The following ABCA6 variants were observed in gnomAD, a reference collection of about 807,000 sequenced individuals.
The protein encoded by ABCA6 is ATP binding cassette subfamily A member 6.
ABCA6 carries 164 observed loss-of-function variants against 191.2 expected under a neutral mutation model. That is an observed-to-expected ratio of 0.86 (90% CI 0.76 to 0.98). The LOEUF is 0.98. Among genes scored for constraint, ABCA6 ranks in the 50% least tolerant of loss-of-function variants. ABCA6 has a pLI of 0.00. For missense variants in ABCA6, 1,958 were observed against 1,894.1 expected (o/e 1.03, Z -0.63); for synonymous variants, 636 against 647.7 (o/e 0.98, Z 0.27).
chr17:69,138,677 A>G (rs1375635686), intron 2 of ABCA6, among the ~76,000 whole-genome samples: 19 of 151,368 alleles, frequency 1.3e-4, no homozygotes, highest in African/African-American at 2.2e-4. Flanking sequence ...GAGGCATCAC[A>G]CTACCTGACT....
Position 69,100,847 on chromosome 17 carries a change from T to C in ABCA6, c.2962A>G (p.Met988Val). The C allele has an allele frequency of 6.2e-7, 1 of 1,612,896 alleles. No homozygotes were observed. Among genetic ancestry groups the C allele is most frequent in the Non-Finnish European group, 8.5e-7 (1 of 1,179,450 alleles). The stretch of plus-strand genomic sequence containing the variant: ...CGAATATGTTGTGTGTGATTAAACA[T>C]TTGAAGTAGCCCATTGCTGATAATA... Reference protein sequence around the residue: ...MNIISNGLLQMFNHTQHIRIE... With the variant: ...MNIISNGLLQVFNHTQHIRIE... Residue 988 changes from methionine to valine, a missense_variant, in exon 22 of 39, where the codon ATG (methionine) becomes GTG (valine). Transcript: ENST00000284425.
rs766474269 is a variant in ABCA6 at position 69,123,339 on chromosome 17, T to C, written c.1336A>G (p.Thr446Ala). The change falls in exon 10 of 39, where the codon ACT becomes GCT. Residue 446 changes from threonine to alanine, a missense_variant. Thr to Ala is a moderately conservative substitution (Grantham distance 58, BLOSUM62 0). Coordinates refer to ENST00000284425, the MANE Select transcript of ABCA6 (RefSeq NM_080284.3). ...NSSSCFQHQR[T>A]NAKVIEKEID... Reference sequence around the variant, plus strand: ...TCTTTCTCAATAACCTTAGCATTAGTCCTTTGGTGTTGGAAACAAGATGAT... The same window carrying C: ...TCTTTCTCAATAACCTTAGCATTAGCCCTTTGGTGTTGGAAACAAGATGAT... The C allele has an allele frequency of 6.4e-7, 1 of 1,570,718 alleles. No individual in the cohort carries two copies. Among genetic ancestry groups the C allele is most frequent in the East Asian group, 2.3e-5 (1 of 43,928 alleles).
Position 69,096,806 on chromosome 17 carries a change from T to TC in ABCA6, c.3121-6_3121-5insG. On this transcript the variant is annotated splice_polypyrimidine_tract_variant and splice_region_variant and intron_variant, in intron 23 of 38. Coordinates refer to ENST00000284425, the MANE Select transcript of ABCA6 (RefSeq NM_080284.3). ...TAGCTGGGACTTAGCATTTTTCTGA[T>TC]TAAAAAAAAAAAGAAAGAAAGAAAT... 6.6e-7 allele frequency: 1 copy of TC among 1,511,786 alleles called. No homozygotes were observed. The highest frequency in any genetic ancestry group is 8.8e-7 in the Non-Finnish European group (1 of 1,141,526). The allele number at this position is 1,511,786 out of a possible 1,614,324, so 93.6% of individuals were successfully genotyped here.
Position 69,081,099 on chromosome 17 carries a change from G to T in ABCA6, c.4663C>A (p.Pro1555Thr). 6.2e-7 allele frequency: 1 copy of T among 1,605,348 alleles called. No homozygotes were observed. Among genetic ancestry groups the T allele is most frequent in the South Asian group, 1.1e-5 (1 of 88,588 alleles). Residue 1555 changes from proline (P) to threonine (T), a missense_variant, in exon 37 of 39, where the codon CCT becomes ACT. Coordinates refer to ENST00000284425, the MANE Select transcript of ABCA6 (RefSeq NM_080284.3). ...AATTTGTGAAAGGTCTGTGATAGAG[G>T]GTAAACGTCTGCCACGGGCAGCTTA... ...TYKLPVADVY[P>T]LSQTFHKLEA...
rs1279549772 is a variant in ABCA6 at position 69,129,750 on chromosome 17, G to A, written c.793C>T (p.Leu265Phe). 1 of 1,567,968 alleles carries A rather than the reference G, an allele frequency of 6.4e-7. No individual in the cohort carries two copies. Among genetic ancestry groups the A allele is most frequent in the Non-Finnish European group, 8.6e-7 (1 of 1,160,122 alleles). ...CCAGCATAGATTAGACCCCAGGAGA[G>A]CCTAAATAAAGACAAAAAGTTATAT... ...MMGLQDSAFW[L>F]SWGLIYAGFI... Residue 265 changes from leucine (L) to phenylalanine (F), a missense_variant and splice_region_variant, in exon 7 of 39, where the codon CTC becomes TTC. Physicochemically the swap from Leu to Phe is conservative, Grantham distance 22 (BLOSUM62 0). Transcript: ENST00000284425.
chr17:69,115,607 A>T, intron 11 of ABCA6, 121 bp from the exon 12 acceptor site: 1 of 557,626 alleles, frequency 1.8e-6, no homozygotes, highest in Middle Eastern at 3.0e-4. Context: ...CAGCATTTCA[A>T]TACTTTAAAA....
chr17:69,086,599 A>G lies in ABCA6; in HGVS notation c.3937+19T>C. On this transcript the variant is annotated intron_variant, in intron 30 of 38. Coordinates refer to ENST00000284425, the MANE Select transcript of ABCA6 (RefSeq NM_080284.3). ...AGTTCTAAAAGTAATGGTAAGTTTT[A>G]AAAGGGATTATTACAGACCTTCTTG... 6 of 1,559,224 alleles carry G rather than the reference A, an allele frequency of 3.8e-6. No individual in the cohort carries two copies. Among genetic ancestry groups the G allele is most frequent in the Non-Finnish European group, 4.4e-6 (5 of 1,134,966 alleles).
In ABCA6 at chr17:69,137,335, G is replaced by T. The variant is rs200749369; in HGVS notation, c.262C>A (p.Gln88Lys). Residue 88 changes from glutamine (Q) to lysine (K), a missense_variant, in exon 3 of 39, where the codon CAG becomes AAG. Physicochemically the swap from Gln to Lys is moderately conservative, Grantham distance 53. Coordinates refer to ENST00000284425, the MANE Select transcript of ABCA6 (RefSeq NM_080284.3). ...GCAAGTGCTGTTTTATTCATTATCT[G>T]CTGGGTTAAATTAGATATTGGTGTA... ...VYTPISNLTQ[Q>K]IMNKTALAPL... 11 of 1,613,420 alleles carry T rather than the reference G, an allele frequency of 6.8e-6. No homozygotes were observed. In the African/African-American group the frequency reaches 9.3e-5, roughly 14 times the overall value.
rs2073826858 is a variant in ABCA6, at chr17:69,129,664, G to A, written c.879C>T (p.Val293=). The change falls in exon 7 of 39, where the codon GTC becomes GTT. Residue 293 remains valine (V), a synonymous_variant. Coordinates refer to ENST00000284425, the MANE Select transcript of ABCA6 (RefSeq NM_080284.3). ...TIIITFTQII[V]MTGFMVIFIL... ...TAAATATGACCATGAAGCCAGTCAT[G>A]ACTATAATTTGGGTGAATGTTATGA... The A allele has an allele frequency of 6.2e-7, 1 of 1,605,044 alleles. No homozygotes were observed. Among genetic ancestry groups the A allele is most frequent in the South Asian group, 1.1e-5 (1 of 90,502 alleles).
intron 6 of ABCA6, among the ~76,000 whole-genome samples, chr17:69,132,876 G>GTA: frequency 6.6e-6 from 1 of 151,980 alleles, no homozygotes; most frequent in East Asian, 1.9e-4. Flanking sequence ...ATACATGAGT[G>GTA]TGTGTGTACA....
intron 25 of ABCA6, chr17:69,094,256 T>C (rs2072997947): frequency 6.6e-6 from 1 of 152,238 alleles, no homozygotes; most frequent in Non-Finnish European, 1.5e-5. Flanking sequence ...CTTTTGTTCA[T>C]CTATTCACTT....
At chr17:69,127,430 G>A (rs927348136) in intron 8 of ABCA6, among the ~76,000 whole-genome samples, 2 of 152,042 alleles carry the variant, frequency 1.3e-5, no homozygotes, top group Non-Finnish European at 2.9e-5. Flanking sequence ...ATTGGGAGAA[G>A]ATAGAAAACT....
At chr17:69,081,657 A>C (rs2072639659) in intron 36 of ABCA6, among the ~76,000 whole-genome samples, 1 of 152,228 alleles carries the variant, frequency 6.6e-6, no homozygotes, top group South Asian at 2.1e-4. Flanking sequence ...ATGGAGGTTG[A>C]TATTGGCGAA....
chr17:69,099,073 ATG>A (rs1455706691), intron 22 of ABCA6, among the ~76,000 whole-genome samples: 2 of 151,756 alleles, frequency 1.3e-5, no homozygotes, highest in Admixed American at 6.6e-5. Context: ...AGCTGGGTGG[ATG>A]TGTTCTGAAG....
Position 69,097,944 on chromosome 17 carries a change from G to A in ABCA6, c.3096C>T (p.Thr1032=). 1 of 1,606,184 alleles carries A rather than the reference G, an allele frequency of 6.2e-7. No homozygotes were observed. Among genetic ancestry groups the A allele is most frequent in the Non-Finnish European group, 8.5e-7 (1 of 1,177,380 alleles). ...CCTTGTAATCACTGATGCTGCCCAT[G>A]GTGATATAAGGAGAAATGCTACATA... The part of the protein sequence containing the change: ...LVLCSISPYI[T]MGSISDYKKN... The change falls in exon 23 of 39, where the codon ACC becomes ACT. Residue 1032 remains threonine (T), a synonymous_variant. Transcript: ENST00000284425.
intron 4 of ABCA6, chr17:69,135,792 T>C (rs1455501815): frequency 1.1e-5 from 5 of 443,980 alleles, no homozygotes; most frequent in African/African-American, 1.0e-4. Context: ...TTGTTCAATG[T>C]CTGTCTTTGC....
chr17:69,084,996 TGACACAAAGGAATCGCAGGTCC>T lies in ABCA6; in HGVS notation c.4184+10_4184+31del. 1 of 1,569,662 alleles carries T rather than the reference TGACACAAAGGAATCGCAGGTCC, an allele frequency of 6.4e-7. No individual in the cohort carries two copies. Among genetic ancestry groups the T allele is most frequent in the Non-Finnish European group, 8.6e-7 (1 of 1,161,604 alleles). On this transcript the variant is annotated intron_variant, in intron 32 of 38. Transcript: ENST00000284425. ...TCAGTGCTACAGTCTCCCTGCATTCTGACACAAAGGAATCGCAGGTCCCGTCTGTACCTTGCGATGGCGAGCC... is the reference window on the plus strand; with the variant it reads ...TCAGTGCTACAGTCTCCCTGCATTCTCGTCTGTACCTTGCGATGGCGAGCC...
chr17:69,113,646 A>G lies in ABCA6; in HGVS notation c.1874T>C (p.Phe625Ser). 1 of 1,613,108 alleles carries G rather than the reference A, an allele frequency of 6.2e-7. No homozygotes were observed. Residue 625 changes from phenylalanine to serine, a missense_variant, in exon 14 of 39, where the codon TTT (phenylalanine) becomes TCT (serine). Phe to Ser is a radical substitution (Grantham distance 155). Transcript: ENST00000284425. The part of the protein sequence containing the change: ...LSEGQKRKLT[F>S]GITILGDPQI... ...AGGATCTCCTAAAATGGTAATCCCA[A>G]AAGTCAGCTTTCTTTTCTGTCCTTC...
intron 10 of ABCA6, among the ~76,000 whole-genome samples, chr17:69,118,934 T>TCA (rs752347265): frequency 1.3e-3 from 190 of 150,624 alleles, no homozygotes; most frequent in East Asian, 4.1e-3. Context: ...TCTGTCTCTC[T>TCA]CACACACACA....
Sources: gnomAD v4.1 joint callset for allele counts (sites outside exome capture counted in the v4.1 genomes callset) on GRCh38, gnomAD v4.1.1 for gene constraint, MANE v1.5 for transcripts, NCBI Gene and HGNC (gene_info 2026-07-23, HGNC 2026-07-21) for gene names.